SYNE2: variants seen among roughly 807,000 people sequenced by gnomAD.
The protein encoded by SYNE2 is spectrin repeat containing nuclear envelope protein 2.
In SYNE2, 431 loss-of-function variants were observed where a neutral mutation model predicts 856.3. That is an observed-to-expected ratio of 0.50 (90% CI 0.47 to 0.55). The LOEUF (loss-of-function observed/expected upper bound fraction) is 0.55, where lower values mean the gene tolerates loss of function less well. Among genes scored for constraint, SYNE2 ranks in the 20% least tolerant of loss-of-function variants. The probability of loss-of-function intolerance (pLI) is 0.00; values close to 1 mark genes in which losing one functional copy is unlikely to be tolerated. For missense variants in SYNE2, 8,129 were observed against 8,023.2 expected (o/e 1.01, Z -0.50); for synonymous variants, 2,923 against 2,872.3 (o/e 1.02, Z -0.56).
chr14:64,106,062 A>T (rs1351436659), intron 64 of SYNE2, among the ~76,000 whole-genome samples: 5 of 151,496 alleles, frequency 3.3e-5, no homozygotes, highest in African/African-American at 4.9e-5. Flanking sequence ...AAAAAAAAAA[A>T]AGAAAGAAAG....
At chr14:64,041,197 C>T (rs1020778813) in intron 45 of SYNE2, among the ~76,000 whole-genome samples, 1 of 151,940 alleles carries the variant, frequency 6.6e-6, no homozygotes, top group African/African-American at 2.4e-5. Context: ...TAAAGAAAAG[C>T]TTAAATGTGA....
rs1377076079 is a variant in SYNE2, at chr14:64,223,296, A to C, written c.20298A>C (p.Glu6766Asp). ...KGHGEDCIEA[E>D]EKVHVIEKKL... ...ATGGAGAAGACTGTATTGAAGCTGA[A>C]GAAAAGGTGCATGTTATTGAGAAGA... The change falls in exon 113 of 116, where the codon GAA (glutamate) becomes GAC (aspartate). Residue 6766 changes from glutamate to aspartate, a missense_variant. Physicochemically the swap from Glu to Asp is conservative, Grantham distance 45. This residue lies in a region of SYNE2 where 5,410 missense variants were observed against 5,284.8 expected (regional missense o/e 1.02). Transcript: ENST00000555002. The C allele has an allele frequency of 1.9e-6, 3 of 1,614,114 alleles. No individual in the cohort carries two copies. The highest frequency in any genetic ancestry group is 2.5e-6 in the Non-Finnish European group (3 of 1,180,050).
At chr14:64,163,835 A>C (rs559536842) in intron 89 of SYNE2, among the ~76,000 whole-genome samples, 4 of 152,310 alleles carry the variant, frequency 2.6e-5, no homozygotes, top group Admixed American at 6.5e-5. Flanking sequence ...CAGATCTCAC[A>C]GTTATTTGGA....
At chr14:64,018,924 T>C (rs1291790026) in intron 34 of SYNE2, among the ~76,000 whole-genome samples, 1 of 152,248 alleles carries the variant, frequency 6.6e-6, no homozygotes, top group South Asian at 2.1e-4. Context: ...CTTTCAACTC[T>C]AGGAAGAATT....
At chr14:63,932,449 G>A (rs1021172627) in intron 2 of SYNE2, among the ~76,000 whole-genome samples, 5 of 152,066 alleles carry the variant, frequency 3.3e-5, no homozygotes, top group Admixed American at 6.6e-5. Context: ...GCTCATGCCT[G>A]TAATCCCAAC....
intron 1 of SYNE2, among the ~76,000 whole-genome samples, chr14:63,781,173 G>A (rs1274638378): frequency 6.6e-6 from 1 of 151,838 alleles, no homozygotes; most frequent in Non-Finnish European, 1.5e-5. Context: ...AGCTACTCAG[G>A]AGGTGGAGGC....
chr14:64,089,627 A>C lies in SYNE2; in HGVS notation c.11724A>C (p.Lys3908Asn). Residue 3908 changes from lysine to asparagine, a missense_variant, in exon 59 of 116, where the codon AAA becomes AAC. By Grantham distance (94) the Lys-to-Asn change is moderately conservative. Coordinates refer to ENST00000555002, the MANE Select transcript of SYNE2 (RefSeq NM_182914.3). Reference protein sequence around the residue: ...EVKSMEKRVSKIKTILLSKEI... With the variant: ...EVKSMEKRVSNIKTILLSKEI... ...AATCAATGGAAAAAAGAGTTTCAAA[A>C]ATCAAAACTATCCTATTATCAAAAG... The C allele has an allele frequency of 6.2e-7, 1 of 1,607,178 alleles. No individual in the cohort carries two copies. The highest frequency in any genetic ancestry group is 1.7e-5 in the Admixed American group (1 of 59,934).
chr14:64,210,037 C>T lies in SYNE2; in HGVS notation c.18636C>T (p.Ala6212=), dbSNP rs1410018361. ...RLARENRTDT[A]SRLKQMVHEG... is the part of the protein sequence containing the mutation. Reference sequence around the variant, plus strand: ...CCCGGGAGAACCGCACAGACACGGCCAGCAGGCTGAAGCAGATGGTCCACG... The same window carrying T: ...CCCGGGAGAACCGCACAGACACGGCTAGCAGGCTGAAGCAGATGGTCCACG... The change falls in exon 103 of 116, where the codon GCC becomes GCT. Residue 6212 remains alanine (A), a synonymous_variant. Coordinates refer to ENST00000555002, the MANE Select transcript of SYNE2 (RefSeq NM_182914.3). The T allele has an allele frequency of 5.0e-6, 8 of 1,614,042 alleles. No individual in the cohort carries two copies. The highest frequency in any genetic ancestry group is 6.8e-6 in the Non-Finnish European group (8 of 1,180,044).
At chr14:64,044,188 C>A (rs1021679018) in intron 45 of SYNE2, among the ~76,000 whole-genome samples, 1 of 152,188 alleles carries the variant, frequency 6.6e-6, no homozygotes, top group Non-Finnish European at 1.5e-5. Flanking sequence ...TGGGAACCTA[C>A]CCCTTGCATC....
intron 87 of SYNE2, among the ~76,000 whole-genome samples, chr14:64,161,835 C>G (rs779580261): frequency 2.0e-5 from 3 of 151,846 alleles, no homozygotes; most frequent in African/African-American, 7.3e-5. Context: ...TATTTGTTGC[C>G]AATCATACAT....
rs183158956 is a variant in SYNE2 at position 64,215,222 on chromosome 14, G to A, written c.19334-64G>A. On this transcript the variant is annotated intron_variant, in intron 106 of 115. Coordinates refer to ENST00000555002, the MANE Select transcript of SYNE2 (RefSeq NM_182914.3). Reference sequence around the variant, plus strand: ...CCAGCTGACAATGTTTCTACTGTGTGTTAATACTTGGGCATTAATCTTCAG... The same window carrying A: ...CCAGCTGACAATGTTTCTACTGTGTATTAATACTTGGGCATTAATCTTCAG... 18 of 1,365,448 alleles carry A rather than the reference G, an allele frequency of 1.3e-5. No individual in the cohort carries two copies. The East Asian group carries it at 4.1e-4, about 31-fold the overall frequency. The allele number at this position is 1,365,448 out of a possible 1,614,324, so 84.6% of individuals were successfully genotyped here.
intron 45 of SYNE2, among the ~76,000 whole-genome samples, chr14:64,039,279 A>C (rs1423963801): frequency 6.6e-6 from 1 of 152,274 alleles, no homozygotes; most frequent in African/African-American, 2.4e-5. Flanking sequence ...CAAAGTTACC[A>C]TAGCCATGGG....
At chr14:64,142,262 C>T (rs192318596) in intron 82 of SYNE2, among the ~76,000 whole-genome samples, 174 bp downstream of exon 82, 106 of 152,204 alleles carry the variant, frequency 7.0e-4, no homozygotes, top group Admixed American at 6.3e-3. Flanking sequence ...TTTTGTTCCA[C>T]TTAAATTCCT....
At chr14:63,999,967 G>A (rs935041945) in intron 27 of SYNE2, among the ~76,000 whole-genome samples, 13 of 152,112 alleles carry the variant, frequency 8.5e-5, no homozygotes, top group African/African-American at 2.7e-4. Flanking sequence ...TCCAGTGACC[G>A]AATAATGAGT....
At chr14:64,108,831 G>A (rs1370708422) in intron 65 of SYNE2, among the ~76,000 whole-genome samples, 1 of 150,002 alleles carries the variant, frequency 6.7e-6, no homozygotes, top group Non-Finnish European at 1.5e-5. Context: ...TTAGGTCTAA[G>A]GAAGTTGCTG....
chr14:63,942,976 A>T (rs2095947028), intron 6 of SYNE2, among the ~76,000 whole-genome samples: 1 of 152,188 alleles, frequency 6.6e-6, no homozygotes, highest in Non-Finnish European at 1.5e-5. Context: ...TTATCATGAT[A>T]TCCTGCATTA....
chr14:63,948,780 G>GTGTGTA (rs2096088497), intron 6 of SYNE2, among the ~76,000 whole-genome samples: 1 of 81,974 alleles, frequency 1.2e-5, no homozygotes, highest in South Asian at 3.7e-4. Context: ...GTATGTGTGT[G>GTGTGTA]TGTATATATA....
chr14:64,008,533 A>T (rs867782425), intron 31 of SYNE2, among the ~76,000 whole-genome samples: 1 of 152,216 alleles, frequency 6.6e-6, no homozygotes, highest in Non-Finnish European at 1.5e-5. Flanking sequence ...CTTATTTTTT[A>T]AAAATATTTG....
intron 1 of SYNE2, among the ~76,000 whole-genome samples, chr14:63,787,867 C>A (rs1389684087): frequency 6.6e-6 from 1 of 152,202 alleles, no homozygotes; most frequent in East Asian, 1.9e-4. Context: ...TGGGGTCTTA[C>A]AGGGACCGCT....
Sources: allele counts gnomAD v4.1 joint callset (sites outside exome capture counted in the v4.1 genomes callset), GRCh38; gene constraint gnomAD v4.1.1; regional missense constraint gnomAD v4.1.1; transcripts MANE v1.5; gene names NCBI Gene and HGNC (gene_info 2026-07-23, HGNC 2026-07-21).